Variants in MESD observed in about 807,000 individuals in gnomAD.
MESD encodes LRP chaperone MESD.
A neutral mutation model predicts 12.9 loss-of-function variants in MESD; 7 were observed. That is an observed-to-expected ratio of 0.54 (90% CI 0.31 to 1.02). The LOEUF is 1.02. MESD is among the 50% of genes least tolerant of loss of function. The probability of loss-of-function intolerance (pLI) is 0.05; values close to 1 mark genes in which losing one functional copy is unlikely to be tolerated. For synonymous variants in MESD, 126 were observed against 115.6 expected, an observed-to-expected ratio of 1.09 and a Z score of -0.58; for missense variants, 342 against 296.7, an observed-to-expected ratio of 1.15 and a Z score of -1.12.
At position 80,978,987 on chromosome 15, in the gene MESD, G is replaced by A. The variant is rs1016564636; in HGVS notation, c.*232C>T. 2 of 571,702 alleles carry A rather than the reference G, an allele frequency of 3.5e-6. No homozygotes were observed. Among genetic ancestry groups the A allele is most frequent in the African/African-American group, 3.7e-5 (2 of 53,400 alleles). 35.4% of individuals were successfully genotyped at this position (571,702 alleles called of 1,614,324 possible). A position where few individuals can be genotyped will look rare whatever the true frequency, so the allele number is the denominator to read the frequency against. ...CATTTCCATGTAAGGAGATTTTATA[G>A]TAAACATGAATTTGTCAGTGTCCAG... On this transcript the variant is annotated 3_prime_UTR_variant, in exon 3 of 3. Transcript: ENST00000261758.
rs112137748 is a variant in MESD at position 80,948,644 on chromosome 15, T to C, written c.*881A>G. The C allele has an allele frequency of 6.5e-5, 66 of 1,015,144 alleles. No homozygotes were observed. In the Middle Eastern group the frequency reaches 2.0e-3, roughly 30 times the overall value. The allele number at this position is 1,015,144 out of a possible 1,614,324, so 62.9% of individuals were successfully genotyped here. ...ACACATGTCAGGCACCATCAGTAGC[T>C]GAGCACAGAGCTCTTCCCAAGGGGC... On this transcript the variant is annotated 3_prime_UTR_variant, in exon 5 of 5. Transcript: ENST00000561312.
intron 3 of MESD, among the ~76,000 whole-genome samples, chr15:80,962,720 G>A (rs550537075): frequency 3.3e-5 from 5 of 152,182 alleles, no homozygotes; most frequent in African/African-American, 9.6e-5. Flanking sequence ...ACTGAACAAC[G>A]TGCTCCTGAA....
chr15:80,988,148 T>A (rs78137488), intron 1 of MESD, among the ~76,000 whole-genome samples: 8,005 of 152,192 alleles, frequency 0.053, 721 homozygotes, highest in African/African-American at 0.18. Context: ...GAACTGGCTC[T>A]AAAAGTCGCG....
chr15:80,973,630 C>A (rs1227032037), downstream of MESD, among the ~76,000 whole-genome samples: 1 of 152,194 alleles, frequency 6.6e-6, no homozygotes, highest in African/African-American at 2.4e-5. Context: ...AAATACCAAC[C>A]ACAGACTGCA....
chr15:80,979,294 T>A lies in MESD; in HGVS notation c.630A>T (p.Lys210Asn). ...KNKTKQDKGK[K>N]KKEGDLKSRS... ...GAGATTTCAGATCTCCTTCCTTCTT[T>A]TTTTTGCCCTTGTCTTGCTTTGTTT... is the stretch of plus-strand genomic sequence containing the variant. The change falls in exon 3 of 3, where the codon AAA becomes AAT. Residue 210 changes from lysine to asparagine, a missense_variant. Lys to Asn is a moderately conservative substitution (Grantham distance 94, BLOSUM62 0). Transcript: ENST00000261758. 6.2e-7 allele frequency: 1 copy of A among 1,614,106 alleles called. No individual in the cohort carries two copies.
intron 1 of MESD, among the ~76,000 whole-genome samples, chr15:80,988,022 A>G (rs1439373218): frequency 3.3e-5 from 5 of 152,082 alleles, no homozygotes; most frequent in Admixed American, 3.3e-4. Context: ...AAAATCTCAC[A>G]TTTCTCCCTT....
At chr15:80,957,208 A>G (rs998169891) in intron 3 of MESD, among the ~76,000 whole-genome samples, 1 of 152,184 alleles carries the variant, frequency 6.6e-6, no homozygotes, top group African/African-American at 2.4e-5. Flanking sequence ...AAGAAGGAAA[A>G]CAAAAACTAA....
chr15:80,952,980 A>C (rs1335599449), intron 3 of MESD: 2 of 456,060 alleles, frequency 4.4e-6, no homozygotes, highest in Non-Finnish European at 8.8e-6. Context: ...GCAGGGAGTG[A>C]TCATCGCCTG....
intron 3 of MESD, among the ~76,000 whole-genome samples, chr15:80,964,971 A>C (rs1390558156): frequency 6.6e-6 from 1 of 152,262 alleles, no homozygotes; most frequent in African/African-American, 2.4e-5. Context: ...TAATTAAATT[A>C]AAGAGCTTCT....
At chr15:80,961,126 G>T (rs897592943) in intron 3 of MESD, among the ~76,000 whole-genome samples, 1 of 152,082 alleles carries the variant, frequency 6.6e-6, no homozygotes, top group Non-Finnish European at 1.5e-5. Flanking sequence ...CAGGGCTATT[G>T]CACTACTCCT....
In MESD at chr15:80,984,075, A is replaced by G. The variant is rs1902661339; in HGVS notation, c.214-1893T>C. Among the ~76,000 whole-genome samples, 5 of 151,912 alleles carry G rather than the reference A, an allele frequency of 3.3e-5. 1 individual carries two copies. The South Asian group carries it at 1.0e-3, about 32-fold the overall frequency. ...ACCACCACATCCAGCTAATTTTTGT[A>G]TTTTTAGTAGAGACGGGGTTTTGCC... On this transcript the variant is annotated intron_variant, in intron 1 of 2. Coordinates refer to ENST00000261758, the MANE Select transcript of MESD (RefSeq NM_015154.3).
At chr15:80,989,125 C>T (rs758437337) in intron 1 of MESD, among the ~76,000 whole-genome samples, 1 of 152,162 alleles carries the variant, frequency 6.6e-6, no homozygotes, top group African/African-American at 2.4e-5. Context: ...GCTGAGATAA[C>T]CATTAAGGAA....
At chr15:80,952,988 C>A (rs1901878994) in intron 3 of MESD, 1 of 455,922 alleles carries the variant, frequency 2.2e-6, no homozygotes, top group African/African-American at 2.0e-5. Flanking sequence ...TGATCATCGC[C>A]TGGATTGGTC....
downstream of MESD, chr15:80,947,137 G>C: frequency 1.0e-6 from 1 of 959,866 alleles, no homozygotes; most frequent in Non-Finnish European, 1.7e-6. Flanking sequence ...GGAGGGTGCT[G>C]TCATCTTTTG....
At chr15:80,980,313 G>C (rs1469584229) in intron 2 of MESD, among the ~76,000 whole-genome samples, 6 of 152,186 alleles carry the variant, frequency 3.9e-5, no homozygotes, top group Admixed American at 1.3e-4. Context: ...TCCTAAACCA[G>C]AATATTTGCA....
At chr15:80,985,639 CTTTTT>C (rs11425497) in intron 1 of MESD, among the ~76,000 whole-genome samples, 49 of 89,038 alleles carry the variant, frequency 5.5e-4, no homozygotes, top group East Asian at 4.2e-3. Flanking sequence ...TCCCAAGCAG[CTTTTT>C]TTTTTTTTTT....
At position 80,976,596 on chromosome 15, in the gene MESD, G is replaced by C. The variant is rs956647009; in HGVS notation, c.*2623C>G. ...TAAACTGGTAAATGTGATGCCCAAG[G>C]CTGGCAAGGATAGATCTATTGTTGG... On this transcript the variant is annotated 3_prime_UTR_variant, in exon 3 of 3. Coordinates refer to ENST00000261758, the MANE Select transcript of MESD (RefSeq NM_015154.3). 1 of 152,200 alleles carries C rather than the reference G, an allele frequency of 6.6e-6. No individual in the cohort carries two copies. The highest frequency in any genetic ancestry group is 1.5e-5 in the Non-Finnish European group (1 of 68,050). The allele number at this position is 152,200 out of a possible 1,614,324, so 9.4% of individuals were successfully genotyped here.
chr15:80,961,684 T>G (rs1481964214), intron 3 of MESD, among the ~76,000 whole-genome samples: 1 of 152,238 alleles, frequency 6.6e-6, no homozygotes, highest in Non-Finnish European at 1.5e-5. Context: ...GCATTTTATA[T>G]GATGATGAAA....
intron 3 of MESD, among the ~76,000 whole-genome samples, chr15:80,960,365 T>TAAA (rs11295365): frequency 8.9e-6 from 1 of 112,342 alleles, no homozygotes; most frequent in Non-Finnish European, 1.8e-5. Flanking sequence ...ATCCTGTGTT[T>TAAA]AAAAAAAAAA....
Sources: allele counts gnomAD v4.1 joint callset (sites outside exome capture counted in the v4.1 genomes callset), GRCh38; gene constraint gnomAD v4.1.1; transcripts MANE v1.5; gene names NCBI Gene and HGNC (gene_info 2026-07-23, HGNC 2026-07-21).